Variants in NFAT5 observed in about 807,000 individuals in gnomAD.
NFAT5 encodes nuclear factor of activated T cells 5, also known as nuclear factor of activated T-cells 5.
Under a neutral mutation model 166.5 loss-of-function variants are expected in NFAT5, and 31 were observed. The observed-to-expected ratio is 0.19, with a 90% CI of 0.14 to 0.25. NFAT5 has a LOEUF of 0.25. Ranked by LOEUF, NFAT5 falls within the 10% of genes least tolerant of loss-of-function variation. The pLI is 1.00. For synonymous variants in NFAT5, 612 were observed against 639.7 expected, an observed-to-expected ratio of 0.96 and a Z score of 0.65; for missense variants, 1,449 against 1,821.8, an observed-to-expected ratio of 0.80 and a Z score of 3.72.
intron 7 of NFAT5, 54 bp from the exon 8 acceptor site, chr16:69,669,923 G>A: frequency 6.8e-7 from 1 of 1,479,080 alleles, no homozygotes; most frequent in East Asian, 2.5e-5. Flanking sequence ...TTGATTTTAG[G>A]TAAGAAATAA....
chr16:69,612,622 G>C (rs905022931), intron 2 of NFAT5, among the ~76,000 whole-genome samples: 1 of 152,034 alleles, frequency 6.6e-6, no homozygotes, highest in Non-Finnish European at 1.5e-5. Flanking sequence ...GAGGCAGGAG[G>C]ACCACTTGAG....
At chr16:69,682,294 A>AT (rs60855092) in intron 10 of NFAT5, among the ~76,000 whole-genome samples, 41,740 of 145,064 alleles carry the variant, frequency 0.29, 6,647 homozygotes, top group African/African-American at 0.43. Context: ...AATATTTAAC[A>AT]TTTTTTTTTT....
At chr16:69,617,555 A>G (rs1262514557) in intron 2 of NFAT5, among the ~76,000 whole-genome samples, 3 of 151,714 alleles carry the variant, frequency 2.0e-5, no homozygotes, top group African/African-American at 4.8e-5. Context: ...CAGTGGCACA[A>G]TCATGGCTCA....
At chr16:69,576,367 C>A (rs2016752206) in intron 2 of NFAT5, among the ~76,000 whole-genome samples, 1 of 150,644 alleles carries the variant, frequency 6.6e-6, no homozygotes, top group South Asian at 2.1e-4. Context: ...CACCATTGTT[C>A]AGATGGTATA....
rs1297806921 is a variant in NFAT5 at position 69,702,561 on chromosome 16, AG to A, written c.*6211del. ...GAGTATGGTTCTCAGCCCACCAGCTAGTATCAGTATCACCTGGGAACTAGTT... is the reference window on the plus strand; with the variant it reads ...GAGTATGGTTCTCAGCCCACCAGCTATATCAGTATCACCTGGGAACTAGTT... On this transcript the variant is annotated 3_prime_UTR_variant, in exon 15 of 15. Transcript: ENST00000349945. 1 of 152,218 alleles carries A rather than the reference AG, an allele frequency of 6.6e-6. No individual in the cohort carries two copies. Among genetic ancestry groups the A allele is most frequent in the Admixed American group, 6.5e-5 (1 of 15,278 alleles). The allele number at this position is 152,218 out of a possible 1,614,324, so 9.4% of individuals were successfully genotyped here.
intron 7 of NFAT5, among the ~76,000 whole-genome samples, chr16:69,668,268 G>A (rs1037306409): frequency 6.6e-5 from 10 of 152,128 alleles, no homozygotes; most frequent in Admixed American, 1.3e-4. Flanking sequence ...GATTACAGGC[G>A]TGAGCCACCT....
chr16:69,700,198 T>A lies in NFAT5; in HGVS notation c.*3847T>A, dbSNP rs1347899397. 1.3e-5 allele frequency: 2 copies of A among 151,796 alleles called. No individual in the cohort carries two copies. Among genetic ancestry groups the A allele is most frequent in the Non-Finnish European group, 2.9e-5 (2 of 67,920 alleles). 9.4% of individuals were successfully genotyped at this position (151,796 alleles called of 1,614,324 possible). On this transcript the variant is annotated 3_prime_UTR_variant, in exon 15 of 15. Coordinates refer to ENST00000349945, the MANE Select transcript of NFAT5 (RefSeq NM_138713.4). ...ATTCCTCCCTCCCTCCTTTCTCCCT[T>A]CCTTCCTTTCTTCCATTCATCCTTC...
rs1040219819 is a variant in NFAT5 at position 69,565,997 on chromosome 16, C to T, written c.-305C>T. ...CTGTCAGCGGCGGCGGCGGTGGCGGCGACCGTCAGTTTTCGCTGAGGAGAA... is the reference window on the plus strand; with the variant it reads ...CTGTCAGCGGCGGCGGCGGTGGCGGTGACCGTCAGTTTTCGCTGAGGAGAA... On this transcript the variant is annotated 5_prime_UTR_variant, in exon 1 of 15. Transcript: ENST00000349945. 3 of 303,610 alleles carry T rather than the reference C, an allele frequency of 9.9e-6. No homozygotes were observed. Among genetic ancestry groups the T allele is most frequent in the Non-Finnish European group, 1.8e-5 (3 of 164,214 alleles). 18.8% of individuals were successfully genotyped at this position (303,610 alleles called of 1,614,324 possible). A position where few individuals can be genotyped will look rare whatever the true frequency, so the allele number is the denominator to read the frequency against.
At chr16:69,664,924 G>C (rs1187762595) in intron 7 of NFAT5, among the ~76,000 whole-genome samples, 1 of 152,156 alleles carries the variant, frequency 6.6e-6, no homozygotes, top group Admixed American at 6.5e-5. Context: ...CTACTCGGGA[G>C]GATGAGGCAA....
intron 7 of NFAT5, among the ~76,000 whole-genome samples, chr16:69,664,063 A>G (rs1275877042): frequency 6.6e-6 from 1 of 152,144 alleles, no homozygotes; most frequent in African/African-American, 2.4e-5. Context: ...CCTATCCCAC[A>G]GCTATGGGGA....
At chr16:69,685,227 GT>G (rs907335773) in intron 11 of NFAT5, 61 of 129,874 alleles carry the variant, frequency 4.7e-4, no homozygotes, top group African/African-American at 8.7e-4. Flanking sequence ...GAGGAGTTTT[GT>G]TTTTTTTTTT....
chr16:69,663,074 G>A (rs1335375323), intron 7 of NFAT5, among the ~76,000 whole-genome samples: 1 of 152,144 alleles, frequency 6.6e-6, no homozygotes, highest in Non-Finnish European at 1.5e-5. Context: ...GCAAAGAGTT[G>A]GGATTGGAAT....
intron 3 of NFAT5, among the ~76,000 whole-genome samples, chr16:69,646,173 A>C (rs894701013): frequency 1.3e-5 from 2 of 152,198 alleles, no homozygotes; most frequent in African/African-American, 4.8e-5. Flanking sequence ...GCATGTAATC[A>C]AGTACTTTAT....
chr16:69,677,322 C>T lies in NFAT5; in HGVS notation c.1677C>T (p.Tyr559=). ...CTCATGATGTTCAACCATTCACTTACACTCCAGACCCAGGTATGTCAAAAT... is the reference window on the plus strand; with the variant it reads ...CTCATGATGTTCAACCATTCACTTATACTCCAGACCCAGGTATGTCAAAAT... ...GRSHDVQPFT[Y]TPDPAAAGAL... is the part of the protein sequence containing the mutation. Residue 559 remains tyrosine (Y), a synonymous_variant, in exon 10 of 15, where the codon TAC becomes TAT. Transcript: ENST00000349945. 1 of 1,587,392 alleles carries T rather than the reference C, an allele frequency of 6.3e-7. No homozygotes were observed. Among genetic ancestry groups the T allele is most frequent in the South Asian group, 1.2e-5 (1 of 84,826 alleles).
chr16:69,636,919 T>G (rs1259035093), intron 3 of NFAT5, among the ~76,000 whole-genome samples: 1 of 152,222 alleles, frequency 6.6e-6, no homozygotes, highest in East Asian at 1.9e-4. Context: ...AGCTTGAATT[T>G]CTCCCTAGAA....
chr16:69,678,186 T>C (rs1040434600), intron 10 of NFAT5, among the ~76,000 whole-genome samples: 2 of 141,804 alleles, frequency 1.4e-5, no homozygotes, highest in Admixed American at 7.1e-5. Flanking sequence ...AAACCTGATA[T>C]TTTAGAAATG....
chr16:69,626,462 G>A lies in NFAT5; in HGVS notation c.187G>A (p.Val63Ile). The change falls in exon 3 of 15, where the codon GTA (valine) becomes ATA (isoleucine). Residue 63 changes from valine (V) to isoleucine (I), a missense_variant. Val to Ile is a conservative substitution (Grantham distance 29). Transcript: ENST00000349945. The stretch of plus-strand genomic sequence containing the variant: ...GTTACCTCCATCTAGAGAAACATCT[G>A]TAGCATCAATGAGTCAGACAAGCGG... ...LQLPPSRETSVASMSQTSGGE... is the reference protein window; with the variant it reads ...LQLPPSRETSIASMSQTSGGE... The A allele has an allele frequency of 1.3e-6, 2 of 1,597,920 alleles. No homozygotes were observed. Among genetic ancestry groups the A allele is most frequent in the Middle Eastern group, 1.7e-4 (1 of 6,018 alleles).
At chr16:69,610,011 G>T (rs1468501738) in intron 2 of NFAT5, among the ~76,000 whole-genome samples, 1 of 149,268 alleles carries the variant, frequency 6.7e-6, no homozygotes, top group East Asian at 2.2e-4. Flanking sequence ...AAGAGAGAGA[G>T]AGAGAGAGAC....
intron 6 of NFAT5, among the ~76,000 whole-genome samples, chr16:69,658,626 G>A (rs1028661886): frequency 1.1e-4 from 17 of 151,966 alleles, no homozygotes; most frequent in African/African-American, 2.2e-4. Context: ...CCAGGAGTTC[G>A]AGACCAACCT....
Sources: gnomAD v4.1 joint callset for allele counts (sites outside exome capture counted in the v4.1 genomes callset) on GRCh38, gnomAD v4.1.1 for gene constraint, MANE v1.5 for transcripts, NCBI Gene and HGNC (gene_info 2026-07-23, HGNC 2026-07-21) for gene names.